The following NHLRC2 variants were observed in gnomAD, a reference collection of about 807,000 sequenced individuals.
NHLRC2 encodes the protein NHL repeat containing 2.
NHLRC2 carries 33 observed loss-of-function variants against 68.1 expected under a neutral mutation model. The ratio of observed to expected loss-of-function variants is 0.48; its 90% CI spans 0.37 to 0.65. The LOEUF (loss-of-function observed/expected upper bound fraction) is 0.65. Among genes scored for constraint, NHLRC2 ranks in the 30% least tolerant of loss-of-function variants. NHLRC2 has a pLI of 0.00. For missense variants in NHLRC2, 761 were observed against 853.8 expected (o/e 0.89, Z 1.35); for synonymous variants, 311 against 309.6 (o/e 1.00, Z -0.05).
In NHLRC2 at chr10:113,910,347, T is replaced by A. The variant is rs1174126609; in HGVS notation, c.*1811T>A. 1.3e-5 allele frequency: 2 copies of A among 152,148 alleles called. No homozygotes were observed. Among genetic ancestry groups the A allele is most frequent in the African/African-American group, 4.8e-5 (2 of 41,412 alleles). The allele number at this position is 152,148 out of a possible 1,614,324, so 9.4% of individuals were successfully genotyped here. On this transcript the variant is annotated 3_prime_UTR_variant, in exon 11 of 11. Coordinates refer to ENST00000369301, the MANE Select transcript of NHLRC2 (RefSeq NM_198514.4). Reference sequence around the variant, plus strand: ...TCCCAAGTAGCTGGGATTACAGGCGTACACCACCATGCCCAGCTAATTTTT... The same window carrying A: ...TCCCAAGTAGCTGGGATTACAGGCGAACACCACCATGCCCAGCTAATTTTT...
intron 9 of NHLRC2, among the ~76,000 whole-genome samples, 185 bp downstream of exon 9, chr10:113,903,921 A>C (rs1846250619): frequency 6.6e-6 from 1 of 152,066 alleles, no homozygotes. Context: ...TATTCTTAAA[A>C]TAAAAGTTCC....
At chr10:113,898,463 T>G (rs1016109895) in intron 6 of NHLRC2, among the ~76,000 whole-genome samples, 5 of 152,204 alleles carry the variant, frequency 3.3e-5, no homozygotes, top group African/African-American at 1.2e-4. Context: ...CCAGTCATCC[T>G]GGCACAGTGA....
At chr10:113,866,400 G>A (rs1845868190) in intron 2 of NHLRC2, among the ~76,000 whole-genome samples, 1 of 152,008 alleles carries the variant, frequency 6.6e-6, no homozygotes, top group South Asian at 2.1e-4. Flanking sequence ...TACATTAATG[G>A]TATGTTATTA....
chr10:113,880,677 C>T (rs897095438), intron 4 of NHLRC2, among the ~76,000 whole-genome samples: 2 of 151,846 alleles, frequency 1.3e-5, no homozygotes, highest in African/African-American at 2.4e-5. Flanking sequence ...ATCCACTGTA[C>T]TGTAAGTCTT....
At chr10:113,874,450 G>GTA (rs1283650733) in intron 2 of NHLRC2, among the ~76,000 whole-genome samples, 10 of 79,290 alleles carry the variant, frequency 1.3e-4, no homozygotes, top group African/African-American at 5.0e-4. Flanking sequence ...GTTTGTGTGT[G>GTA]TGTGTGTGTG....
intron 10 of NHLRC2, 115 bp downstream of exon 10, chr10:113,905,151 TA>T: frequency 2.0e-6 from 1 of 494,844 alleles, no homozygotes; most frequent in East Asian, 3.4e-5. Context: ...TTGAAGATCA[TA>T]TGAACAAATG....
rs545176821 is a variant in NHLRC2, at chr10:113,915,826, G to A, written c.*7290G>A. ...TAATTTTTTTAAAATTTTTTGTAGA[G>A]ATGGGGACTTGCTATGTTGCCCAGA... On this transcript the variant is annotated 3_prime_UTR_variant, in exon 11 of 11. Transcript: ENST00000369301. The A allele has an allele frequency of 1.6e-4, 25 of 153,096 alleles. No individual in the cohort carries two copies. Among genetic ancestry groups the A allele is most frequent in the Admixed American group, 1.4e-3 (22 of 15,326 alleles). 9.5% of individuals were successfully genotyped at this position (153,096 alleles called of 1,614,324 possible).
At chr10:113,871,730 G>A (rs965613205) in intron 2 of NHLRC2, among the ~76,000 whole-genome samples, 2 of 152,150 alleles carry the variant, frequency 1.3e-5, no homozygotes, top group East Asian at 3.9e-4. Flanking sequence ...TGGGTTTGGA[G>A]GAGGATGGTG....
chr10:113,892,973 A>G lies in NHLRC2; in HGVS notation c.1040-5137A>G, dbSNP rs114266232. 3.6e-3 allele frequency among the ~76,000 whole-genome samples: 550 copies of G among 152,308 alleles called. 4 individuals carry two copies. Among genetic ancestry groups the G allele is most frequent in the African/African-American group, 0.012 (492 of 41,574 alleles). On this transcript the variant is annotated intron_variant, in intron 5 of 10. Coordinates refer to ENST00000369301, the MANE Select transcript of NHLRC2 (RefSeq NM_198514.4). ...GCATAATATAATATACATGTTTGCT[A>G]TTATCACTGTTTTCTATAAGATAAG...
intron 9 of NHLRC2, among the ~76,000 whole-genome samples, chr10:113,904,574 A>T (rs901585509): frequency 2.6e-5 from 4 of 152,140 alleles, no homozygotes; most frequent in Non-Finnish European, 4.4e-5. Context: ...TATACATTGG[A>T]CAGTTACTTT....
intron 5 of NHLRC2, 24 bp from the exon 6 acceptor site, chr10:113,898,086 T>C: frequency 1.4e-6 from 2 of 1,389,296 alleles, no homozygotes; most frequent in Non-Finnish European, 2.0e-6. Flanking sequence ...ATGTATATAA[T>C]AATAATGATT....
Position 113,901,676 on chromosome 10 carries a change from A to G in NHLRC2, c.1150A>G (p.Lys384Glu). ...GKLPKKNELT[K>E]GTCLRFAGSG... is the part of the protein sequence containing the mutation. ...ACTTGTCTTTTTCAGTGAGTTAACA[A>G]AAGGAACCTGCCTTAGGTTTGCTGG... is the stretch of plus-strand genomic sequence containing the variant. Residue 384 changes from lysine (K) to glutamate (E), a missense_variant, in exon 7 of 11, where the codon AAA becomes GAA. Transcript: ENST00000369301. 1.2e-6 allele frequency: 2 copies of G among 1,613,400 alleles called. No individual in the cohort carries two copies. Among genetic ancestry groups the G allele is most frequent in the Non-Finnish European group, 1.7e-6 (2 of 1,179,284 alleles).
chr10:113,870,626 G>A (rs2134698976), intron 2 of NHLRC2, among the ~76,000 whole-genome samples: 1 of 152,268 alleles, frequency 6.6e-6, no homozygotes, highest in South Asian at 2.1e-4. Context: ...TTGTCTTGCT[G>A]GTGGAATCAC....
chr10:113,862,644 A>G (rs1217245233), intron 2 of NHLRC2, among the ~76,000 whole-genome samples: 1 of 152,244 alleles, frequency 6.6e-6, no homozygotes, highest in Non-Finnish European at 1.5e-5. Flanking sequence ...GGCAGAATGA[A>G]TAAATAACAT....
At position 113,916,933 on chromosome 10, in the gene NHLRC2, A is replaced by G. The variant is rs1846392235; in HGVS notation, c.*8397A>G. The G allele has an allele frequency of 6.6e-6, 1 of 152,222 alleles. No individual in the cohort carries two copies. The highest frequency in any genetic ancestry group is 6.5e-5 in the Admixed American group (1 of 15,278). 9.4% of individuals were successfully genotyped at this position (152,222 alleles called of 1,614,324 possible). ...GCATTTTTAAGTGTTTCATGTAGAC[A>G]GATTAATATATTTTTGTACAACATT... On this transcript the variant is annotated 3_prime_UTR_variant, in exon 11 of 11. Transcript: ENST00000369301.
intron 6 of NHLRC2, among the ~76,000 whole-genome samples, chr10:113,899,065 T>C (rs1209639674): frequency 1.3e-5 from 2 of 152,188 alleles, no homozygotes; most frequent in East Asian, 1.9e-4. Flanking sequence ...GACCTCACTG[T>C]ACCTGGTGTA....
rs1846296111 is a variant in NHLRC2, at chr10:113,908,612, A to G, written c.*76A>G. The G allele has an allele frequency of 6.8e-7, 1 of 1,460,350 alleles. No individual in the cohort carries two copies. Among genetic ancestry groups the G allele is most frequent in the African/African-American group, 1.4e-5 (1 of 71,590 alleles). The allele number at this position is 1,460,350 out of a possible 1,614,324, so 90.5% of individuals were successfully genotyped here. A position where few individuals can be genotyped will look rare whatever the true frequency, so the allele number is the denominator to read the frequency against. On this transcript the variant is annotated 3_prime_UTR_variant, in exon 11 of 11. Transcript: ENST00000369301. ...GACTATCACTGTAATTTAAGGAAAGAAAACTTCAGTTCTGCCTCTGGATAC... is the reference window on the plus strand; with the variant it reads ...GACTATCACTGTAATTTAAGGAAAGGAAACTTCAGTTCTGCCTCTGGATAC...
At chr10:113,874,094 T>G (rs979837591) in intron 2 of NHLRC2, among the ~76,000 whole-genome samples, 4 of 152,202 alleles carry the variant, frequency 2.6e-5, no homozygotes, top group African/African-American at 9.7e-5. Flanking sequence ...CTGTTTTATT[T>G]TCATAATCTC....
At chr10:113,857,548 T>G (rs1845771562) in intron 1 of NHLRC2, among the ~76,000 whole-genome samples, 1 of 152,144 alleles carries the variant, frequency 6.6e-6, no homozygotes, top group Non-Finnish European at 1.5e-5. Context: ...AAGTTTGGCT[T>G]TCAGTTGCTA....
Sources: gnomAD v4.1 joint callset for allele counts (sites outside exome capture counted in the v4.1 genomes callset) on GRCh38, gnomAD v4.1.1 for gene constraint, MANE v1.5 for transcripts, NCBI Gene and HGNC (gene_info 2026-07-23, HGNC 2026-07-21) for gene names.